BAZ1B: variants seen among roughly 807,000 people sequenced by gnomAD.
The protein encoded by BAZ1B is bromodomain adjacent to zinc finger domain 1B.
BAZ1B carries 22 observed loss-of-function variants against 153.8 expected under a neutral mutation model. The ratio of observed to expected loss-of-function variants is 0.14; its 90% CI spans 0.10 to 0.20. BAZ1B has a LOEUF of 0.20. BAZ1B is among the 10% of genes least tolerant of loss of function. The pLI is 1.00. For synonymous variants in BAZ1B, 676 were observed against 633.4 expected (o/e 1.07, Z -1.01); for missense variants, 1,325 against 1,799.3 (o/e 0.74, Z 4.77).
chr7:73,496,782 C>A (rs1293564884), intron 4 of BAZ1B, among the ~76,000 whole-genome samples: 2 of 152,092 alleles, frequency 1.3e-5, no homozygotes, highest in African/African-American at 2.4e-5. Context: ...AAAAGTGCAA[C>A]TGACCCTTGA....
chr7:73,504,964 G>A lies in BAZ1B; in HGVS notation c.369+3363C>T, dbSNP rs113750261. On this transcript the variant is annotated intron_variant, in intron 3 of 19. Transcript: ENST00000339594. The stretch of plus-strand genomic sequence containing the variant: ...AAAGAACAAGAACTTTGAAACCAGA[G>A]AGACAGGTGTGAATCTTGGCCCCAT... 5.2e-3 allele frequency among the ~76,000 whole-genome samples: 790 copies of A among 152,324 alleles called. 6 individuals are homozygous for A. The highest frequency in any genetic ancestry group is 9.0e-3 in the Non-Finnish European group (615 of 68,028).
chr7:73,516,009 G>A (rs1790783901), intron 1 of BAZ1B, among the ~76,000 whole-genome samples: 1 of 152,124 alleles, frequency 6.6e-6, no homozygotes, highest in Admixed American at 6.6e-5. Flanking sequence ...GGAGCCAGGT[G>A]TGGTGCACGT....
chr7:73,466,267 A>G, intron 10 of BAZ1B, 29 bp downstream of exon 10: 2 of 1,498,474 alleles, frequency 1.3e-6, no homozygotes, highest in African/African-American at 1.4e-5. Context: ...AGGAAAAAGA[A>G]AGAGCAACCA....
At position 73,449,548 on chromosome 7, in the gene BAZ1B, C is replaced by T. The variant is rs782273444; in HGVS notation, c.3722G>A (p.Arg1241His). The change falls in exon 15 of 20, where the codon CGT (arginine) becomes CAT (histidine). Residue 1241 changes from arginine to histidine, a missense_variant. Physicochemically the swap from Arg to His is conservative, Grantham distance 29 (BLOSUM62 0). Around this residue, in one of 9 missense-constraint regions of BAZ1B, gnomAD observed 271 missense variants for 337.2 expected, o/e 0.80. Coordinates refer to ENST00000339594, the MANE Select transcript of BAZ1B (RefSeq NM_032408.4). The stretch of plus-strand genomic sequence containing the variant: ...TAAAAGAAAAGATTCTCACCTGCCA[C>T]GGGAGTTGCGCCTGGCAGTAGCGGG... ...CQPATARRNS[R>H]GRNYTEESAS... The T allele has an allele frequency of 1.2e-5, 19 of 1,609,654 alleles. No homozygotes were observed. The highest frequency in any genetic ancestry group is 2.2e-5 in the South Asian group (2 of 90,160).
chr7:73,484,308 T>C (rs541684972), intron 6 of BAZ1B, among the ~76,000 whole-genome samples: 3 of 148,648 alleles, frequency 2.0e-5, no homozygotes, highest in Non-Finnish European at 4.4e-5. Context: ...GATAGATAGA[T>C]AGATAGACAG....
Position 73,510,353 on chromosome 7 carries a change from C to T in BAZ1B, c.224+383G>A, listed in dbSNP as rs557608979. Among the ~76,000 whole-genome samples the T allele has an allele frequency of 2.6e-5, 4 of 152,002 alleles. No individual in the cohort carries two copies. The South Asian group carries it at 6.2e-4, about 24-fold the overall frequency. The stretch of plus-strand genomic sequence containing the variant: ...CTGAGGCAGGAGAATCACTTGAACC[C>T]GGGAGGCGGAGCTTGCAGTGAGCCG... On this transcript the variant is annotated intron_variant, in intron 2 of 19. Coordinates refer to ENST00000339594, the MANE Select transcript of BAZ1B (RefSeq NM_032408.4).
intron 1 of BAZ1B, among the ~76,000 whole-genome samples, chr7:73,521,499 G>A (rs1294805904): frequency 6.6e-6 from 1 of 152,282 alleles, no homozygotes. Flanking sequence ...CCTCCCTCTC[G>A]GGTCCTCAAG....
intron 6 of BAZ1B, among the ~76,000 whole-genome samples, chr7:73,482,103 C>A (rs1456888580): frequency 6.6e-6 from 1 of 152,148 alleles, no homozygotes; most frequent in Non-Finnish European, 1.5e-5. Flanking sequence ...CAATAACCAT[C>A]CTTAGAATGG....
chr7:73,476,351 T>G (rs1339297988), intron 7 of BAZ1B, among the ~76,000 whole-genome samples: 1 of 152,206 alleles, frequency 6.6e-6, no homozygotes, highest in Non-Finnish European at 1.5e-5. Flanking sequence ...TCAGATTCGA[T>G]GGAGCCATCA....
chr7:73,508,793 C>T (rs919554857), intron 2 of BAZ1B, among the ~76,000 whole-genome samples: 64 of 152,076 alleles, frequency 4.2e-4, no homozygotes, highest in Admixed American at 1.8e-3. Context: ...GCGGGTGGAT[C>T]ACGAGGTCAG....
chr7:73,444,025 G>C lies in BAZ1B; in HGVS notation c.3949C>G (p.Pro1317Ala), dbSNP rs781957739. ...KKPHSTRRSQPKAPPVDDAEV... is the reference protein window; with the variant it reads ...KKPHSTRRSQAKAPPVDDAEV... The stretch of plus-strand genomic sequence containing the variant: ...GCATCATCCACAGGTGGTGCCTTGG[G>C]CTGAGACCTCCTGGTAGAGTGTGGC... Residue 1317 changes from proline to alanine, a missense_variant, in exon 17 of 20, where the codon CCC (proline) becomes GCC (alanine). Pro to Ala is a conservative substitution (Grantham distance 27, BLOSUM62 -1). Around this residue, in one of 9 missense-constraint regions of BAZ1B, gnomAD observed 271 missense variants for 337.2 expected, o/e 0.80. Coordinates refer to ENST00000339594, the MANE Select transcript of BAZ1B (RefSeq NM_032408.4). 1 of 1,613,856 alleles carries C rather than the reference G, an allele frequency of 6.2e-7. No homozygotes were observed. Among genetic ancestry groups the C allele is most frequent in the Non-Finnish European group, 8.5e-7 (1 of 1,179,914 alleles).
intron 1 of BAZ1B, among the ~76,000 whole-genome samples, chr7:73,521,585 G>C (rs113648617): frequency 0.012 from 1,780 of 152,036 alleles, 37 homozygotes; most frequent in African/African-American, 0.04. Context: ...GACAAAGTGC[G>C]GGGCCCCGGG....
chr7:73,506,101 C>T (rs991207212), intron 3 of BAZ1B, among the ~76,000 whole-genome samples: 11 of 152,150 alleles, frequency 7.2e-5, no homozygotes, highest in Non-Finnish European at 1.2e-4. Context: ...AGTTTTTTCT[C>T]CTGAATCTTA....
At chr7:73,443,326 T>C (rs1394806888) in intron 17 of BAZ1B, among the ~76,000 whole-genome samples, 1 of 151,460 alleles carries the variant, frequency 6.6e-6, no homozygotes, top group Non-Finnish European at 1.5e-5. Flanking sequence ...CGTAGACATG[T>C]GAGGGTTAAG....
intron 13 of BAZ1B, among the ~76,000 whole-genome samples, chr7:73,458,848 C>T (rs2116270816): frequency 6.6e-6 from 1 of 152,076 alleles, no homozygotes; most frequent in East Asian, 1.9e-4. Context: ...GAGTTATAAG[C>T]AAATCACCGC....
At chr7:73,521,630 G>A (rs1347776682) in intron 1 of BAZ1B, among the ~76,000 whole-genome samples, 197 bp downstream of exon 1, 1 of 151,604 alleles carries the variant, frequency 6.6e-6, no homozygotes. Flanking sequence ...TTCCAGGGCC[G>A]GTGCGCGCCC....
intron 1 of BAZ1B, among the ~76,000 whole-genome samples, chr7:73,520,383 ATATT>A (rs1266807990): frequency 6.6e-6 from 1 of 152,160 alleles, no homozygotes; most frequent in Non-Finnish European, 1.5e-5. Flanking sequence ...AAGTGAGGTA[ATATT>A]TAAATTAATT....
intron 1 of BAZ1B, among the ~76,000 whole-genome samples, chr7:73,516,559 G>A (rs1790806365): frequency 6.6e-6 from 1 of 151,100 alleles, no homozygotes; most frequent in South Asian, 2.1e-4. Flanking sequence ...CCGAGGGGGT[G>A]GATCACTGAG....
At chr7:73,512,032 A>C (rs1446359874) in intron 1 of BAZ1B, among the ~76,000 whole-genome samples, 1 of 104,186 alleles carries the variant, frequency 9.6e-6, no homozygotes, top group East Asian at 2.8e-4. Context: ...CCACCTCAAA[A>C]AAAAAAAAAA....
Sources: allele counts gnomAD v4.1 joint callset (sites outside exome capture counted in the v4.1 genomes callset), GRCh38; gene constraint gnomAD v4.1.1; regional missense constraint gnomAD v4.1.1; transcripts MANE v1.5; gene names NCBI Gene and HGNC (gene_info 2026-07-23, HGNC 2026-07-21).